The following STPG2 variants were observed in gnomAD, a reference collection of about 807,000 sequenced individuals.
The protein encoded by STPG2 is sperm-tail PG-rich repeat-containing protein 2.
Under a neutral mutation model 54.2 loss-of-function variants are expected in STPG2, and 56 were observed. The ratio of observed to expected loss-of-function variants is 1.03; its 90% CI spans 0.83 to 1.29. The LOEUF (loss-of-function observed/expected upper bound fraction) is 1.29, where lower values mean the gene tolerates loss of function less well. Ranked by LOEUF, STPG2 falls within the 50% of genes most tolerant of loss-of-function variation. STPG2 has a pLI of 0.00. For missense variants in STPG2, 596 were observed against 544.9 expected (o/e 1.09, Z -0.93); for synonymous variants, 200 against 181.8 (o/e 1.10, Z -0.81).
At chr4:98,110,469 C>G (rs1362828971) in intron 3 of STPG2, among the ~76,000 whole-genome samples, 1 of 152,098 alleles carries the variant, frequency 6.6e-6, no homozygotes, top group Non-Finnish European at 1.5e-5. Flanking sequence ...CTCCAGTAAA[C>G]ACACTGCACA....
intron 5 of STPG2, among the ~76,000 whole-genome samples, chr4:98,066,572 GAC>G (rs1187842935): frequency 2.7e-5 from 4 of 150,146 alleles, no homozygotes; most frequent in Non-Finnish European, 5.9e-5. Flanking sequence ...CTGGGCAACA[GAC>G]AGAGACTCCA....
At chr4:98,067,437 T>C (rs1270682301) in intron 5 of STPG2, among the ~76,000 whole-genome samples, 1 of 152,176 alleles carries the variant, frequency 6.6e-6, no homozygotes, top group Admixed American at 6.5e-5. Flanking sequence ...GATAAGTATT[T>C]AAATGATTTA....
At chr4:97,634,879 G>C (rs1156841338) in intron 10 of STPG2, among the ~76,000 whole-genome samples, 4 of 151,712 alleles carry the variant, frequency 2.6e-5, no homozygotes, top group Non-Finnish European at 5.9e-5. Flanking sequence ...GTACCTGAAA[G>C]TGATGGGGAG....
At chr4:97,529,607 G>A (rs1216658910) in intron 4 of STPG2, among the ~76,000 whole-genome samples, 2 of 152,132 alleles carry the variant, frequency 1.3e-5, no homozygotes, top group African/African-American at 4.8e-5. Context: ...GAATCCATCT[G>A]CTACTGGGCT....
chr4:97,903,474 GTAAA>G, intron 8 of STPG2, among the ~76,000 whole-genome samples: 1 of 150,790 alleles, frequency 6.6e-6, no homozygotes, highest in South Asian at 2.1e-4. Flanking sequence ...ATTAAATAAA[GTAAA>G]TAAAGGAGAA....
chr4:97,697,896 C>T (rs1296004718), intron 10 of STPG2, among the ~76,000 whole-genome samples: 1 of 152,198 alleles, frequency 6.6e-6, no homozygotes, highest in Non-Finnish European at 1.5e-5. Flanking sequence ...CGGCCCATCC[C>T]TTTTCTTCTC....
At chr4:97,666,113 G>A (rs1388024400) in intron 10 of STPG2, among the ~76,000 whole-genome samples, 1 of 152,074 alleles carries the variant, frequency 6.6e-6, no homozygotes, top group East Asian at 1.9e-4. Flanking sequence ...AAGAGCACAG[G>A]AATGCCCAGA....
At chr4:97,755,067 T>A (rs904506078) in intron 9 of STPG2, among the ~76,000 whole-genome samples, 1 of 152,176 alleles carries the variant, frequency 6.6e-6, no homozygotes, top group African/African-American at 2.4e-5. Context: ...AGTTTTCTGC[T>A]TATCTTCAAA....
chr4:97,691,461 T>C (rs142545383), intron 10 of STPG2, among the ~76,000 whole-genome samples: 1 of 152,094 alleles, frequency 6.6e-6, no homozygotes, highest in East Asian at 1.9e-4. Flanking sequence ...ATAATCCCCC[T>C]GGGAACATAA....
chr4:97,793,357 A>G (rs1727062700), intron 9 of STPG2, among the ~76,000 whole-genome samples: 1 of 133,630 alleles, frequency 7.5e-6, no homozygotes, highest in African/African-American at 3.0e-5. Context: ...ATATAAAATT[A>G]GAGTTTTATA....
intron 10 of STPG2, among the ~76,000 whole-genome samples, chr4:97,689,297 C>T (rs755008896): frequency 1.3e-4 from 20 of 151,890 alleles, no homozygotes; most frequent in Non-Finnish European, 2.4e-4. Context: ...ATAATAAACA[C>T]AATAAATATT....
chr4:97,538,312 C>T (rs1225923495), intron 4 of STPG2, among the ~76,000 whole-genome samples: 1 of 152,082 alleles, frequency 6.6e-6, no homozygotes, highest in Non-Finnish European at 1.5e-5. Context: ...AGATGAATGG[C>T]TAATGAGAAC....
chr4:97,956,178 T>G (rs2149244209), intron 7 of STPG2, among the ~76,000 whole-genome samples: 1 of 152,266 alleles, frequency 6.6e-6, no homozygotes, highest in South Asian at 2.1e-4. Flanking sequence ...GTTAAAATGT[T>G]CTGAGTCAGT....
intron 10 of STPG2, among the ~76,000 whole-genome samples, chr4:97,565,362 C>T (rs964771553): frequency 1.3e-5 from 2 of 152,080 alleles, no homozygotes; most frequent in Admixed American, 6.5e-5. Flanking sequence ...TTTTCAACTT[C>T]TTTTCCCTTG....
At chr4:97,860,885 C>A (rs1395280) in intron 8 of STPG2, among the ~76,000 whole-genome samples, 1 of 152,068 alleles carries the variant, frequency 6.6e-6, no homozygotes, top group African/African-American at 2.4e-5. Context: ...CAGCTTTTCC[C>A]CATTCAACAT....
chr4:98,011,338 A>AT (rs1187073265), intron 5 of STPG2, among the ~76,000 whole-genome samples: 1 of 151,854 alleles, frequency 6.6e-6, no homozygotes, highest in Non-Finnish European at 1.5e-5. Context: ...TATGTGCCAC[A>AT]TTTTTTTTAT....
intron 8 of STPG2, among the ~76,000 whole-genome samples, chr4:97,937,706 T>G (rs1732798944): frequency 1.3e-5 from 2 of 152,154 alleles, no homozygotes; most frequent in Non-Finnish European, 1.5e-5. Flanking sequence ...CTCCTGCACA[T>G]GGAGATGTCA....
chr4:97,673,599 T>G (rs1163808713), intron 10 of STPG2, among the ~76,000 whole-genome samples: 10 of 152,182 alleles, frequency 6.6e-5, no homozygotes, highest in Admixed American at 5.2e-4. Context: ...CATTAAATTG[T>G]CAACTGAGGC....
intron 7 of STPG2, among the ~76,000 whole-genome samples, chr4:97,948,701 T>A (rs1733344992): frequency 6.6e-6 from 1 of 152,174 alleles, no homozygotes; most frequent in South Asian, 2.1e-4. Context: ...TTGTTTAATT[T>A]CTATGTATAG....
Sources: gnomAD v4.1 joint callset for allele counts (sites outside exome capture counted in the v4.1 genomes callset) on GRCh38, gnomAD v4.1.1 for gene constraint, MANE v1.5 for transcripts, NCBI Gene and HGNC (gene_info 2026-07-23, HGNC 2026-07-21) for gene names.